LDLRAD4: variants seen among roughly 807,000 people sequenced by gnomAD.
LDLRAD4 encodes low density lipoprotein receptor class A domain containing 4.
Under a neutral mutation model 17.0 loss-of-function variants are expected in LDLRAD4, and 5 were observed. The observed-to-expected ratio is 0.29, with a 90% CI of 0.15 to 0.62. LDLRAD4 has a LOEUF of 0.62. Among genes scored for constraint, LDLRAD4 ranks in the 20% least tolerant of loss-of-function variants. The probability of loss-of-function intolerance (pLI) is 0.84; values close to 1 mark genes in which losing one functional copy is unlikely to be tolerated. For missense variants in LDLRAD4, 340 were observed against 424.7 expected, an observed-to-expected ratio of 0.80 and a Z score of 1.75; for synonymous variants, 168 against 171.8, an observed-to-expected ratio of 0.98 and a Z score of 0.17.
At chr18:13,285,101 G>A (rs950725505) in intron 1 of LDLRAD4, among the ~76,000 whole-genome samples, 3 of 152,226 alleles carry the variant, frequency 2.0e-5, no homozygotes, top group Non-Finnish European at 4.4e-5. Context: ...TACAAATGGA[G>A]GGAGGTTGCA....
At chr18:13,308,984 A>G (rs1027062121) in intron 1 of LDLRAD4, among the ~76,000 whole-genome samples, 2 of 152,226 alleles carry the variant, frequency 1.3e-5, no homozygotes, top group Admixed American at 6.5e-5. Context: ...TTGGTTTCAT[A>G]TACTTTGCTT....
intron 1 of LDLRAD4, among the ~76,000 whole-genome samples, chr18:13,328,044 C>T (rs916341810): frequency 2.6e-5 from 4 of 152,146 alleles, no homozygotes; most frequent in African/African-American, 9.7e-5. Context: ...TCAGGCTCTC[C>T]TCCCTGCGGG....
At chr18:13,253,768 C>G (rs1021572332) in intron 1 of LDLRAD4, among the ~76,000 whole-genome samples, 1 of 152,192 alleles carries the variant, frequency 6.6e-6, no homozygotes, top group Non-Finnish European at 1.5e-5. Flanking sequence ...TTCTGGGTAT[C>G]GGAGCATCTC....
chr18:13,526,912 T>G (rs2094041024), intron 3 of LDLRAD4, among the ~76,000 whole-genome samples: 2 of 152,170 alleles, frequency 1.3e-5, no homozygotes, highest in African/African-American at 4.8e-5. Context: ...CTTCCCTCAC[T>G]TCCTTCCCTG....
intron 1 of LDLRAD4, among the ~76,000 whole-genome samples, chr18:13,271,893 C>CT (rs753254188): frequency 0.22 from 17,617 of 78,934 alleles, 3,347 homozygotes; most frequent in African/African-American, 0.45. Flanking sequence ...CTGTTCAGTG[C>CT]TTTTTTTTTT....
intron 2 of LDLRAD4, among the ~76,000 whole-genome samples, chr18:13,436,699 G>T (rs961667756): frequency 6.6e-6 from 1 of 152,160 alleles, no homozygotes; most frequent in Non-Finnish European, 1.5e-5. Flanking sequence ...AAACAGCTGG[G>T]TTTTAATCTT....
intron 3 of LDLRAD4, among the ~76,000 whole-genome samples, chr18:13,592,805 T>C (rs2095045122): frequency 6.7e-6 from 1 of 148,366 alleles, no homozygotes; most frequent in South Asian, 2.1e-4. Flanking sequence ...GAATTTGTAA[T>C]TCCTTCTATA....
rs151227004 is a variant in LDLRAD4 at position 13,314,394 on chromosome 18, G to A, written c.-383+36206G>A. Among the ~76,000 whole-genome samples the A allele has an allele frequency of 5.2e-4, 79 of 152,274 alleles. 2 individuals are homozygous for A. In the East Asian group the frequency reaches 0.012, roughly 23 times the overall value. ...GTGTCAAATAATTTATTGAAAAAGC[G>A]ATTTCTTAATGTTAACATTTTTCTG... On this transcript the variant is annotated intron_variant, in intron 1 of 5. Coordinates refer to ENST00000359446, the Ensembl canonical transcript of LDLRAD4.
Position 13,645,864 on chromosome 18 carries a change from C to A in LDLRAD4, c.*207C>A. ...TACAAACTTCCATCTGGTCTGACCGCAAACAGTGTTTATTTGGGGACAGGG... is the reference window on the plus strand; with the variant it reads ...TACAAACTTCCATCTGGTCTGACCGAAAACAGTGTTTATTTGGGGACAGGG... On this transcript the variant is annotated 3_prime_UTR_variant, in exon 6 of 6. Transcript: ENST00000359446. The surrounding 1 kb of genome is among the most constrained non-coding windows in gnomAD (Gnocchi z 5.7). 3.0e-5 allele frequency: 12 copies of A among 404,204 alleles called. No individual in the cohort carries two copies. The highest frequency in any genetic ancestry group is 3.7e-5 in the East Asian group (1 of 26,774). 25.0% of individuals were successfully genotyped at this position (404,204 alleles called of 1,614,324 possible).
intron 1 of LDLRAD4, chr18:13,362,057 A>G (rs1303027281): frequency 6.6e-6 from 1 of 152,064 alleles, no homozygotes; most frequent in Non-Finnish European, 1.5e-5. Context: ...ATTGTCACCC[A>G]TCGAGGTCTG....
chr18:13,562,380 C>T (rs118102533), intron 3 of LDLRAD4, among the ~76,000 whole-genome samples: 62 of 152,358 alleles, frequency 4.1e-4, no homozygotes, highest in Non-Finnish European at 7.6e-4. Flanking sequence ...CTCGTTTCTC[C>T]ACTCCCTTAA....
intron 1 of LDLRAD4, among the ~76,000 whole-genome samples, chr18:13,322,969 A>T (rs1404440604): frequency 6.6e-6 from 1 of 152,120 alleles, no homozygotes; most frequent in African/African-American, 2.4e-5. Flanking sequence ...TTACAGATGG[A>T]TAATGTAAAT....
intron 1 of LDLRAD4, among the ~76,000 whole-genome samples, chr18:13,314,600 T>C (rs779253715): frequency 3.3e-5 from 5 of 152,214 alleles, no homozygotes; most frequent in Non-Finnish European, 5.9e-5. Flanking sequence ...TCTGTGATGC[T>C]TTTCCTCTTG....
intron 1 of LDLRAD4, chr18:13,241,295 C>T (rs997050145): frequency 6.6e-6 from 1 of 152,242 alleles, no homozygotes. Flanking sequence ...TTTATAAAGA[C>T]CCAAACCAGT....
intron 1 of LDLRAD4, among the ~76,000 whole-genome samples, chr18:13,232,504 T>C (rs1385372589): frequency 1.3e-5 from 2 of 150,948 alleles, no homozygotes; most frequent in African/African-American, 5.0e-5. Flanking sequence ...TGCCCCGTGC[T>C]GTGCTCCACA....
intron 1 of LDLRAD4, among the ~76,000 whole-genome samples, chr18:13,252,477 C>T (rs183487032): frequency 3.9e-5 from 6 of 152,328 alleles, no homozygotes; most frequent in South Asian, 2.1e-4. Flanking sequence ...CCGCTAGGTG[C>T]GGGGACCCAG....
chr18:13,481,522 G>A (rs2093083995), intron 3 of LDLRAD4, among the ~76,000 whole-genome samples: 1 of 152,168 alleles, frequency 6.6e-6, no homozygotes, highest in Admixed American at 6.5e-5. Context: ...AAGACTTCTG[G>A]TGGCCCTCGA....
At chr18:13,396,102 T>A (rs2086670155) in intron 2 of LDLRAD4, among the ~76,000 whole-genome samples, 1 of 152,220 alleles carries the variant, frequency 6.6e-6, no homozygotes, top group African/African-American at 2.4e-5. Flanking sequence ...TAGTGGTTTA[T>A]GGTTCCGTTA....
rs578091468 is a variant in LDLRAD4 at position 13,374,174 on chromosome 18, T to C, written c.-382-13167T>C. Among the ~76,000 whole-genome samples, 5 of 152,356 alleles carry C rather than the reference T, an allele frequency of 3.3e-5. No individual in the cohort carries two copies. The South Asian group carries it at 6.2e-4, about 19-fold the overall frequency. On this transcript the variant is annotated intron_variant, in intron 1 of 5. Coordinates refer to ENST00000359446, the Ensembl canonical transcript of LDLRAD4. ...CCTTCTGACCCACATAGGTCGTCTC[T>C]TGGGATAGCACAGGTAGCAGAGGAT... is the stretch of plus-strand genomic sequence containing the variant.
Sources: gnomAD v4.1 joint callset for allele counts (sites outside exome capture counted in the v4.1 genomes callset) on GRCh38, gnomAD v4.1.1 for gene constraint, Gnocchi (gnomAD v3.1) non-coding constraint, MANE v1.5 for transcripts, NCBI Gene and HGNC (gene_info 2026-07-23, HGNC 2026-07-21) for gene names.